The following RBFOX1 variants were observed in gnomAD, a reference collection of about 807,000 sequenced individuals.
RBFOX1 encodes the protein RNA binding protein fox-1 homolog 1.
RBFOX1 carries 8 observed loss-of-function variants against 57.7 expected under a neutral mutation model. The observed-to-expected ratio is 0.14, with a 90% CI of 0.08 to 0.25. The LOEUF (loss-of-function observed/expected upper bound fraction) is 0.25, where lower values mean the gene tolerates loss of function less well. Among genes scored for constraint, RBFOX1 ranks in the 10% least tolerant of loss-of-function variants. The pLI is 1.00. For synonymous variants in RBFOX1, 326 were observed against 222.4 expected (o/e 1.47, Z -4.15); for missense variants, 611 against 548.5 (o/e 1.11, Z -1.14).
intron 1 of RBFOX1, among the ~76,000 whole-genome samples, chr16:6,199,096 G>T (rs891433595): frequency 2.0e-5 from 3 of 151,698 alleles, no homozygotes; most frequent in Admixed American, 6.6e-5. Flanking sequence ...TCTATGCTCC[G>T]TTCCATTTTC....
chr16:7,299,316 A>G (rs1270413491), intron 4 of RBFOX1, among the ~76,000 whole-genome samples: 1 of 152,192 alleles, frequency 6.6e-6, no homozygotes, highest in East Asian at 1.9e-4. Context: ...GTAACTTTGA[A>G]AAGCTCATTT....
intron 4 of RBFOX1, among the ~76,000 whole-genome samples, chr16:5,948,869 CA>C (rs1482027419): frequency 7.2e-5 from 11 of 152,330 alleles, no homozygotes; most frequent in African/African-American, 2.2e-4. Flanking sequence ...ATCACAAGGA[CA>C]GGGGCACTGC....
intron 4 of RBFOX1, among the ~76,000 whole-genome samples, chr16:6,003,288 A>C (rs2060633481): frequency 6.6e-6 from 1 of 151,614 alleles, no homozygotes; most frequent in African/African-American, 2.4e-5. Context: ...CTCCAAAAAA[A>C]AAAAAAAAAA....
chr16:6,836,907 C>T (rs938032433), intron 3 of RBFOX1, among the ~76,000 whole-genome samples: 1 of 152,036 alleles, frequency 6.6e-6, no homozygotes, highest in Non-Finnish European at 1.5e-5. Context: ...ATCAGCGTTG[C>T]CAAGCAAAGA....
At chr16:6,010,066 C>G (rs1295441320) in intron 4 of RBFOX1, among the ~76,000 whole-genome samples, 1 of 152,220 alleles carries the variant, frequency 6.6e-6, no homozygotes, top group East Asian at 1.9e-4. Context: ...TGCAGGAAAG[C>G]TAACAGTTTC....
rs2092083895 is a variant in RBFOX1 at position 6,995,290 on chromosome 16, T to TG, written c.-15-56767_-15-56766insG. 9.4e-5 allele frequency among the ~76,000 whole-genome samples: 13 copies of TG among 138,414 alleles called. No individual in the cohort carries two copies. The Middle Eastern group carries it at 0.024, about 254-fold the overall frequency. The allele number at this position is 138,414 out of a possible 152,430, so 90.8% of individuals were successfully genotyped here. A position where few individuals can be genotyped will look rare whatever the true frequency, so the allele number is the denominator to read the frequency against. On this transcript the variant is annotated intron_variant, in intron 3 of 15. Transcript: ENST00000550418. ...AAATGACTATGATCTGAAAGTAGCC[T>TG]TGTGTGTGTGTGTGTGTGTGTGTGT...
At chr16:6,329,778 A>G (rs973851499) in intron 2 of RBFOX1, among the ~76,000 whole-genome samples, 1 of 152,136 alleles carries the variant, frequency 6.6e-6, no homozygotes, top group Non-Finnish European at 1.5e-5. Flanking sequence ...CTAAAAATAC[A>G]AAAAGAAAAA....
intron 1 of RBFOX1, among the ~76,000 whole-genome samples, chr16:6,087,792 A>G (rs2096110501): frequency 6.6e-6 from 1 of 152,056 alleles, no homozygotes; most frequent in Non-Finnish European, 1.5e-5. Flanking sequence ...AGCTGGGGCT[A>G]TAGGCGAGCA....
At chr16:7,074,808 T>A (rs192735941) in intron 4 of RBFOX1, among the ~76,000 whole-genome samples, 2 of 152,174 alleles carry the variant, frequency 1.3e-5, no homozygotes, top group Non-Finnish European at 2.9e-5. Context: ...GATAAACAGA[T>A]GCATTTTCTT....
At chr16:6,296,457 G>A (rs1286515637) in intron 1 of RBFOX1, among the ~76,000 whole-genome samples, 1 of 148,632 alleles carries the variant, frequency 6.7e-6, no homozygotes, top group East Asian at 2.0e-4. Flanking sequence ...GTCTCGCTCT[G>A]TCGCCCAGGC....
At chr16:5,784,834 G>C (rs572874135) in intron 3 of RBFOX1, among the ~76,000 whole-genome samples, 94 of 152,260 alleles carry the variant, frequency 6.2e-4, no homozygotes, top group African/African-American at 2.2e-3. Context: ...TATGAACCAG[G>C]AGGTAAGTCC....
intron 4 of RBFOX1, among the ~76,000 whole-genome samples, chr16:7,088,436 C>T (rs907309523): frequency 4.6e-5 from 7 of 151,800 alleles, no homozygotes; most frequent in Admixed American, 3.9e-4. Context: ...GATGTGTGTC[C>T]GTATGTGTGT....
At chr16:6,544,236 A>C (rs1312296943) in intron 2 of RBFOX1, among the ~76,000 whole-genome samples, 1 of 152,216 alleles carries the variant, frequency 6.6e-6, no homozygotes, top group African/African-American at 2.4e-5. Context: ...CTTGGTGGGG[A>C]AAGAGGTACT....
At chr16:6,979,166 G>C (rs1269848633) in intron 3 of RBFOX1, among the ~76,000 whole-genome samples, 1 of 152,168 alleles carries the variant, frequency 6.6e-6, no homozygotes, top group East Asian at 1.9e-4. Context: ...TTCTAGTGTT[G>C]ATAGTATTCA....
chr16:7,304,270 A>T, intron 4 of RBFOX1: 1 of 984,556 alleles, frequency 1.0e-6, no homozygotes, highest in Non-Finnish European at 1.2e-6. Context: ...CCGGTCATTG[A>T]CTTAGATAAC....
intron 14 of RBFOX1, among the ~76,000 whole-genome samples, chr16:7,691,787 G>A (rs2077398013): frequency 6.6e-6 from 1 of 152,146 alleles, no homozygotes; most frequent in African/African-American, 2.4e-5. Context: ...GGATTAGGCA[G>A]TAGAAATTGG....
In RBFOX1 at chr16:6,885,467, C is replaced by G. The variant is rs186839623; in HGVS notation, c.-15-166590C>G. On this transcript the variant is annotated intron_variant, in intron 3 of 15. Transcript: ENST00000550418. Reference sequence around the variant, plus strand: ...CCTTTCAGTATTCGTAACAGTGATTCCTGGAGACTTTCTTGACAAAGTCCA... The same window carrying G: ...CCTTTCAGTATTCGTAACAGTGATTGCTGGAGACTTTCTTGACAAAGTCCA... 3.9e-5 allele frequency among the ~76,000 whole-genome samples: 6 copies of G among 152,292 alleles called. 1 individual carries two copies. Among genetic ancestry groups the G allele is most frequent in the African/African-American group, 1.4e-4 (6 of 41,562 alleles).
Position 6,177,117 on chromosome 16 carries a change from G to T in RBFOX1, c.-126-139878G>T, listed in dbSNP as rs111989860. The stretch of plus-strand genomic sequence containing the variant: ...ATATTTTGGATTATTTGTTGTTCCG[G>T]TGATTTTGCCAAGTGTGGATTTCCT... On this transcript the variant is annotated intron_variant, in intron 1 of 15. Coordinates refer to ENST00000550418, the MANE Select transcript of RBFOX1 (RefSeq NM_018723.4). 7.0e-3 allele frequency among the ~76,000 whole-genome samples: 1,060 copies of T among 151,826 alleles called. 9 individuals are homozygous for T. Among genetic ancestry groups the T allele is most frequent in the African/African-American group, 0.025 (1,026 of 41,422 alleles).
intron 3 of RBFOX1, among the ~76,000 whole-genome samples, chr16:6,825,333 G>A (rs2091982522): frequency 6.6e-6 from 1 of 151,352 alleles, no homozygotes; most frequent in South Asian, 2.1e-4. Context: ...GACAAAAATG[G>A]CTGGTGTTGA....
Sources: gnomAD v4.1 joint callset for allele counts (sites outside exome capture counted in the v4.1 genomes callset) on GRCh38, gnomAD v4.1.1 for gene constraint, MANE v1.5 for transcripts, NCBI Gene and HGNC (gene_info 2026-07-23, HGNC 2026-07-21) for gene names.